UBL3: variants seen among roughly 807,000 people sequenced by gnomAD.
UBL3 encodes ubiquitin-like protein 3.
Under a neutral mutation model 18.4 loss-of-function variants are expected in UBL3, and 6 were observed. That is an observed-to-expected ratio of 0.33 (90% confidence interval 0.18 to 0.64). The LOEUF (loss-of-function observed/expected upper bound fraction) is 0.64, where lower values mean the gene tolerates loss of function less well. Among genes scored for constraint, UBL3 ranks in the 30% least tolerant of loss-of-function variants. The pLI is 0.76. For synonymous variants in UBL3, 49 were observed against 46.6 expected (o/e 1.05, Z -0.21); for missense variants, 109 against 142.9 (o/e 0.76, Z 1.21).
At chr13:29,829,687 C>T (rs1878720876) in intron 1 of UBL3, among the ~76,000 whole-genome samples, 1 of 152,082 alleles carries the variant, frequency 6.6e-6, no homozygotes, top group African/African-American at 2.4e-5. Flanking sequence ...GTGGGCTGCA[C>T]CCATTGTCCT....
At chr13:29,795,500 A>T (rs1282032546) in intron 1 of UBL3, among the ~76,000 whole-genome samples, 1 of 152,002 alleles carries the variant, frequency 6.6e-6, no homozygotes, top group Non-Finnish European at 1.5e-5. Context: ...TTAGTGACTA[A>T]CATTAGTTAT....
At chr13:29,824,547 G>C (rs1243217390) in intron 1 of UBL3, among the ~76,000 whole-genome samples, 2 of 152,178 alleles carry the variant, frequency 1.3e-5, no homozygotes, top group East Asian at 3.9e-4. Context: ...CCCACTTGTT[G>C]CTGGGGTTGT....
chr13:29,848,068 A>T (rs1879272119), intron 1 of UBL3, among the ~76,000 whole-genome samples: 1 of 152,132 alleles, frequency 6.6e-6, no homozygotes, highest in African/African-American at 2.4e-5. Flanking sequence ...GGTCAAAATA[A>T]GCCATTTAGA....
chr13:29,820,177 T>C (rs1259626857), intron 1 of UBL3, among the ~76,000 whole-genome samples: 2 of 76,900 alleles, frequency 2.6e-5, no homozygotes, highest in Non-Finnish European at 5.9e-5. Flanking sequence ...TCCTTTTTTT[T>C]TTTTTTTTTT....
At chr13:29,830,346 C>A (rs1216918666) in intron 1 of UBL3, among the ~76,000 whole-genome samples, 1 of 152,144 alleles carries the variant, frequency 6.6e-6, no homozygotes, top group Non-Finnish European at 1.5e-5. Context: ...TATCAATGAA[C>A]CCAGAATAAA....
intron 1 of UBL3, among the ~76,000 whole-genome samples, chr13:29,825,535 T>C (rs1878594366): frequency 6.6e-6 from 1 of 152,230 alleles, no homozygotes; most frequent in Non-Finnish European, 1.5e-5. Flanking sequence ...ATGCTTGTGA[T>C]TTTTGCACAT....
At position 29,843,848 on chromosome 13, in the gene UBL3, G is replaced by A. The variant is rs962029130; in HGVS notation, c.27+5664C>T. ...CTGTTTAAAATGTCGATTTTGCCTT[G>A]AAGTGACAACTTGGGGATTTTTTCC... is the stretch of plus-strand genomic sequence containing the variant. On this transcript the variant is annotated intron_variant, in intron 1 of 4. Coordinates refer to ENST00000380680, the MANE Select transcript of UBL3 (RefSeq NM_007106.4). Among the ~76,000 whole-genome samples, 4 of 88,786 alleles carry A rather than the reference G, an allele frequency of 4.5e-5. No individual in the cohort carries two copies. In the South Asian group the frequency reaches 1.4e-3, roughly 31 times the overall value. 58.2% of individuals were successfully genotyped at this position (88,786 alleles called of 152,430 possible). A position where few individuals can be genotyped will look rare whatever the true frequency, so the allele number is the denominator to read the frequency against.
chr13:29,785,870 T>C (rs1441096572), intron 1 of UBL3, among the ~76,000 whole-genome samples: 1 of 152,212 alleles, frequency 6.6e-6, no homozygotes, highest in Non-Finnish European at 1.5e-5. Context: ...TATGTAATTG[T>C]AAGTGCTTGA....
Position 29,790,562 on chromosome 13 carries a change from C to T in UBL3, c.28-13299G>A, listed in dbSNP as rs557717560. On this transcript the variant is annotated intron_variant, in intron 1 of 4. Coordinates refer to ENST00000380680, the MANE Select transcript of UBL3 (RefSeq NM_007106.4). ...AAGTTATGTTTTCTGGAACACCAACCCCCAAGAGGTATTCTGGGGAGAAAG... is the reference window on the plus strand; with the variant it reads ...AAGTTATGTTTTCTGGAACACCAACTCCCAAGAGGTATTCTGGGGAGAAAG... Among the ~76,000 whole-genome samples the T allele has an allele frequency of 1.1e-4, 17 of 152,268 alleles. No homozygotes were observed. In the South Asian group the frequency reaches 3.5e-3, roughly 32 times the overall value.
intron 1 of UBL3, among the ~76,000 whole-genome samples, chr13:29,809,730 T>A (rs532740217): frequency 6.6e-6 from 1 of 152,274 alleles, no homozygotes; most frequent in East Asian, 1.9e-4. Flanking sequence ...CTCTAGGCAT[T>A]AGTGGGGTCT....
At chr13:29,783,922 T>C (rs1379583542) in intron 1 of UBL3, among the ~76,000 whole-genome samples, 1 of 152,192 alleles carries the variant, frequency 6.6e-6, no homozygotes, top group Non-Finnish European at 1.5e-5. Context: ...ATGAGAGCTA[T>C]TATGTAGTAA....
At chr13:29,832,663 T>C (rs1232346152) in intron 1 of UBL3, among the ~76,000 whole-genome samples, 1 of 152,176 alleles carries the variant, frequency 6.6e-6, no homozygotes, top group Non-Finnish European at 1.5e-5. Flanking sequence ...GATGCCTGCA[T>C]AGTTAATTTA....
At chr13:29,822,975 A>G (rs189669320) in intron 1 of UBL3, among the ~76,000 whole-genome samples, 1 of 152,326 alleles carries the variant, frequency 6.6e-6, no homozygotes, top group East Asian at 1.9e-4. Context: ...GAGCGTAGAG[A>G]GAAAAAACAT....
rs778130070 is a variant in UBL3, at chr13:29,849,582, CAAAG to C, written c.-48_-45del. The C allele has an allele frequency of 1.5e-5, 24 of 1,611,034 alleles. No homozygotes were observed. Among genetic ancestry groups the C allele is most frequent in the Non-Finnish European group, 1.9e-5 (22 of 1,179,074 alleles). ...CCCAGATGTTTACGAAAAAAACAAA[CAAAG>C]AAAAAAGAGCAGAAGTCTTCACGTT... On this transcript the variant is annotated 5_prime_UTR_variant, in exon 1 of 5. Coordinates refer to ENST00000380680, the MANE Select transcript of UBL3 (RefSeq NM_007106.4).
rs1050532313 is a variant in UBL3 at position 29,766,743 on chromosome 13, C to T, written c.*512G>A. 1 of 152,258 alleles carries T rather than the reference C, an allele frequency of 6.6e-6. No homozygotes were observed. Among genetic ancestry groups the T allele is most frequent in the Non-Finnish European group, 1.5e-5 (1 of 68,102 alleles). The allele number at this position is 152,258 out of a possible 1,614,324, so 9.4% of individuals were successfully genotyped here. On this transcript the variant is annotated 3_prime_UTR_variant, in exon 5 of 5. Transcript: ENST00000380680. Reference sequence around the variant, plus strand: ...TAGAATTCACCCAACATTTTAGTTTCTTTTCCATTTTTTCCTCTCAAGTTG... The same window carrying T: ...TAGAATTCACCCAACATTTTAGTTTTTTTTCCATTTTTTCCTCTCAAGTTG...
At chr13:29,849,377 A>G in intron 1 of UBL3, 135 bp downstream of exon 1, 1 of 1,184,738 alleles carries the variant, frequency 8.4e-7, no homozygotes, top group South Asian at 1.4e-5. Flanking sequence ...CAGAAGCTCC[A>G]ACTTCTCCAA....
intron 3 of UBL3, among the ~76,000 whole-genome samples, chr13:29,770,691 A>G (rs1876817879): frequency 6.6e-6 from 1 of 152,044 alleles, no homozygotes. Context: ...ATCTTGTATG[A>G]GCCATGGAGA....
At chr13:29,791,718 G>A (rs1053229931) in intron 1 of UBL3, among the ~76,000 whole-genome samples, 2 of 152,098 alleles carry the variant, frequency 1.3e-5, no homozygotes, top group African/African-American at 2.4e-5. Context: ...TAGGGTCCAT[G>A]CTTGCCTAGG....
At chr13:29,779,520 AATG>A (rs1397952374) in intron 1 of UBL3, among the ~76,000 whole-genome samples, 1 of 152,230 alleles carries the variant, frequency 6.6e-6, no homozygotes, top group Non-Finnish European at 1.5e-5. Context: ...AATATTTAAA[AATG>A]ATGAAAGGAA....
Sources: allele counts gnomAD v4.1 joint callset (sites outside exome capture counted in the v4.1 genomes callset), GRCh38; gene constraint gnomAD v4.1.1; transcripts MANE v1.5; gene names NCBI Gene and HGNC (gene_info 2026-07-23, HGNC 2026-07-21).